The following IGF2R variants were observed in gnomAD, a reference collection of about 807,000 sequenced individuals.
IGF2R encodes the protein insulin like growth factor 2 receptor, also known as cation-independent mannose-6-phosphate receptor.
Under a neutral mutation model 270.6 loss-of-function variants are expected in IGF2R, and 91 were observed. The observed-to-expected ratio is 0.34, with a 90% CI of 0.28 to 0.40. IGF2R has a LOEUF of 0.40. Among genes scored for constraint, IGF2R ranks in the 10% least tolerant of loss-of-function variants. The probability of loss-of-function intolerance (pLI) is 1.00; values close to 1 mark genes in which losing one functional copy is unlikely to be tolerated. For synonymous variants in IGF2R, 1,316 were observed against 1,258.9 expected (o/e 1.05, Z -0.96); for missense variants, 2,805 against 3,188.3 (o/e 0.88, Z 2.90).
intron 1 of IGF2R, among the ~76,000 whole-genome samples, chr6:159,974,945 A>G (rs760071106): frequency 9.2e-5 from 14 of 152,234 alleles, no homozygotes; most frequent in Non-Finnish European, 1.8e-4. Context: ...AACTCAAACC[A>G]TATTTTTCCT....
At chr6:159,988,862 G>A (rs75474551) in intron 1 of IGF2R, among the ~76,000 whole-genome samples, 1 of 152,004 alleles carries the variant, frequency 6.6e-6, no homozygotes, top group Non-Finnish European at 1.5e-5. Context: ...TGTGCCTCCC[G>A]CAGTAAGTAC....
chr6:159,975,354 C>T (rs1583236212), intron 1 of IGF2R, among the ~76,000 whole-genome samples: 2 of 152,206 alleles, frequency 1.3e-5, no homozygotes, highest in African/African-American at 2.4e-5. Context: ...TCTGTGACCT[C>T]CCTGGCTCAC....
chr6:159,980,228 A>AAAGG (rs1491507825), intron 1 of IGF2R, among the ~76,000 whole-genome samples: 1 of 135,050 alleles, frequency 7.4e-6, no homozygotes, highest in African/African-American at 3.0e-5. Context: ...AGAAAGAAAG[A>AAAGG]AAGAAAGAAA....
Position 160,088,045 on chromosome 6 carries a change from T to C in IGF2R, c.6218T>C (p.Val2073Ala), listed in dbSNP as rs1336089266. Residue 2073 changes from valine to alanine, a missense_variant, in exon 42 of 48, where the codon GTT becomes GCT. Transcript: ENST00000356956. ...TTGTGTGTTTCAGGTGACAAAGTTGTTGTCACGTACTCCAAAGGTTATCCG... is the reference window on the plus strand; with the variant it reads ...TTGTGTGTTTCAGGTGACAAAGTTGCTGTCACGTACTCCAAAGGTTATCCG... ...QKLGVIGDKV[V>A]VTYSKGYPCG... The C allele has an allele frequency of 6.2e-7, 1 of 1,607,876 alleles. No individual in the cohort carries two copies. The highest frequency in any genetic ancestry group is 8.5e-7 in the Non-Finnish European group (1 of 1,174,272).
intron 26 of IGF2R, 123 bp from the exon 27 acceptor site, chr6:160,063,292 C>T (rs1778482093): frequency 2.7e-6 from 2 of 743,778 alleles, no homozygotes; most frequent in African/African-American, 1.7e-5. Flanking sequence ...CCGCCTCAGC[C>T]TCCCAAAGTG....
Position 160,060,576 on chromosome 6 carries a change from G to A in IGF2R, c.3121G>A (p.Val1041Ile). 6.2e-7 allele frequency: 1 copy of A among 1,614,256 alleles called. No homozygotes were observed. Among genetic ancestry groups the A allele is most frequent in the Non-Finnish European group, 8.5e-7 (1 of 1,180,044 alleles). ...GTADAFIVRF[V>I]CNDDVYSGPL... ...CGCTGATGCTTTTATCGTCCGCTTT[G>A]TTTGCAATGATGATGTTTACTCAGG... Residue 1041 changes from valine to isoleucine, a missense_variant, in exon 23 of 48, where the codon GTT becomes ATT. Around this residue, in one of 2 missense-constraint regions of IGF2R, gnomAD observed 1,851 missense variants for 2,207.2 expected, o/e 0.84. Coordinates refer to ENST00000356956, the MANE Select transcript of IGF2R (RefSeq NM_000876.4).
At chr6:160,049,974 C>G (rs8191816) in intron 18 of IGF2R, among the ~76,000 whole-genome samples, 13,288 of 152,110 alleles carry the variant, frequency 0.087, 882 homozygotes, top group East Asian at 0.32. Context: ...GGATTTGGAG[C>G]GGGCCAAGGT....
At chr6:160,096,878 G>A (rs2114738207) in intron 45 of IGF2R, among the ~76,000 whole-genome samples, 1 of 152,228 alleles carries the variant, frequency 6.6e-6, no homozygotes, top group Non-Finnish European at 1.5e-5. Context: ...TGTTTCCTTT[G>A]TGTGTACCAT....
rs1289698512 is a variant in IGF2R at position 160,006,656 on chromosome 6, C to T, written c.290-2354C>T. 2.0e-5 allele frequency: 3 copies of T among 152,400 alleles called. No individual in the cohort carries two copies. The East Asian group carries it at 5.8e-4, about 29-fold the overall frequency. The allele number at this position is 152,400 out of a possible 1,614,324, so 9.4% of individuals were successfully genotyped here. ...CTGGTGCTGTGGGGGCGCGCTGACT[C>T]GTGGTCCGCCCCTGCCCCAAGACTT... On this transcript the variant is annotated intron_variant, in intron 2 of 47. Coordinates refer to ENST00000356956, the MANE Select transcript of IGF2R (RefSeq NM_000876.4).
intron 4 of IGF2R, among the ~76,000 whole-genome samples, chr6:160,014,666 A>G (rs1309513433): frequency 6.6e-6 from 1 of 152,174 alleles, no homozygotes; most frequent in Non-Finnish European, 1.5e-5. Context: ...TGCTGGTTAG[A>G]GAATTGCATC....
chr6:160,065,814 G>GTATGTATATATATATA (rs1778567787), intron 29 of IGF2R, among the ~76,000 whole-genome samples: 1 of 78,392 alleles, frequency 1.3e-5, no homozygotes, highest in African/African-American at 5.6e-5. Flanking sequence ...GTGTGTGTGT[G>GTATGTATATATATATA]TATATATATA....
chr6:159,992,089 G>C (rs1455454801), intron 2 of IGF2R, among the ~76,000 whole-genome samples: 1 of 152,188 alleles, frequency 6.6e-6, no homozygotes, highest in East Asian at 1.9e-4. Flanking sequence ...AATGAGGTTT[G>C]ACCACAATGG....
chr6:160,013,819 C>T (rs1026597301), intron 4 of IGF2R, among the ~76,000 whole-genome samples: 2 of 152,118 alleles, frequency 1.3e-5, no homozygotes, highest in Non-Finnish European at 2.9e-5. Flanking sequence ...TCACTGTTAG[C>T]AAATCTTAAT....
At chr6:160,060,848 G>A (rs1778423778) in intron 23 of IGF2R, 131 bp downstream of exon 23, 3 of 772,964 alleles carry the variant, frequency 3.9e-6, no homozygotes, top group Non-Finnish European at 6.2e-6. Context: ...TATGCAGGCA[G>A]CGTGACATTT....
intron 45 of IGF2R, among the ~76,000 whole-genome samples, chr6:160,097,164 A>G (rs902920057): frequency 2.6e-5 from 4 of 152,268 alleles, no homozygotes; most frequent in African/African-American, 9.6e-5. Context: ...CAGCATGAGA[A>G]CAGAGGGAGC....
Position 160,075,929 on chromosome 6 carries a change from G to C in IGF2R, c.5249G>C (p.Cys1750Ser). 6.2e-7 allele frequency: 1 copy of C among 1,614,174 alleles called. No homozygotes were observed. Among genetic ancestry groups the C allele is most frequent in the Non-Finnish European group, 8.5e-7 (1 of 1,179,992 alleles). Residue 1750 changes from cysteine (C) to serine (S), a missense_variant, in exon 36 of 48, where the codon TGC becomes TCC. Coordinates refer to ENST00000356956, the MANE Select transcript of IGF2R (RefSeq NM_000876.4). ...TTGAATTTTGAAAGCAGTACTCCTT[G>C]CTTAGCGGACAAGCATTTCAACTAC... ...IYLNFESSTPCLADKHFNYTS... is the reference protein window; with the variant it reads ...IYLNFESSTPSLADKHFNYTS...
intron 12 of IGF2R, among the ~76,000 whole-genome samples, chr6:160,043,604 T>A (rs1033690117): frequency 1.3e-4 from 20 of 152,238 alleles, no homozygotes; most frequent in African/African-American, 4.8e-4. Context: ...TACAAGTGAT[T>A]TTATTTTATT....
At chr6:160,027,080 C>T in intron 5 of IGF2R, 105 bp from the exon 6 acceptor site, 3 of 1,285,328 alleles carry the variant, frequency 2.3e-6, no homozygotes, top group Non-Finnish European at 3.3e-6. Context: ...CTTAGGGAGA[C>T]TTTTAGGAAT....
At chr6:160,005,045 G>C (rs1021651032) in intron 2 of IGF2R, 1 of 152,322 alleles carries the variant, frequency 6.6e-6, no homozygotes, top group Non-Finnish European at 1.5e-5. Context: ...TGTGGTGTGC[G>C]CTTCTTATTT....
Sources: gnomAD v4.1 joint callset for allele counts (sites outside exome capture counted in the v4.1 genomes callset) on GRCh38, gnomAD v4.1.1 for gene constraint, gnomAD v4.1.1 regional missense constraint, MANE v1.5 for transcripts, NCBI Gene and HGNC (gene_info 2026-07-23, HGNC 2026-07-21) for gene names.